The following CNOT9 variants were observed in gnomAD, a reference collection of about 807,000 sequenced individuals.
CNOT9 encodes the protein CCR4-NOT transcription complex subunit 9.
CNOT9 carries 8 observed loss-of-function variants against 37.4 expected under a neutral mutation model. The ratio of observed to expected loss-of-function variants is 0.21; its 90% CI spans 0.13 to 0.39. CNOT9 has a LOEUF of 0.39. CNOT9 is among the 10% of genes least tolerant of loss of function. The probability of loss-of-function intolerance (pLI) is 1.00; values close to 1 mark genes in which losing one functional copy is unlikely to be tolerated. For synonymous variants in CNOT9, 120 were observed against 137.6 expected (o/e 0.87, Z 0.90); for missense variants, 154 against 365.3 (o/e 0.42, Z 4.71).
At chr2:218,575,837 G>C (rs1044270836) in intron 1 of CNOT9, among the ~76,000 whole-genome samples, 1 of 152,154 alleles carries the variant, frequency 6.6e-6, no homozygotes, top group Admixed American at 6.5e-5. Context: ...TTGCTTGCCT[G>C]TCAGTGAGCA....
rs1375578758 is a variant in CNOT9, at chr2:218,568,886, A to G, written c.-69A>G. ...ACGGCGGCTCATTGTTTTCCGCTGC[A>G]GGGGTGCTGAAGGGGGGACGCGGGT... On this transcript the variant is annotated 5_prime_UTR_variant, in exon 1 of 8. Coordinates refer to ENST00000273064, the MANE Select transcript of CNOT9 (RefSeq NM_005444.3). The G allele has an allele frequency of 8.4e-6, 13 of 1,556,884 alleles. No individual in the cohort carries two copies. Among genetic ancestry groups the G allele is most frequent in the African/African-American group, 1.4e-5 (1 of 73,626 alleles).
At chr2:218,570,610 A>C (rs1693956420) in intron 1 of CNOT9, among the ~76,000 whole-genome samples, 1 of 152,230 alleles carries the variant, frequency 6.6e-6, no homozygotes, top group Non-Finnish European at 1.5e-5. Flanking sequence ...GGGGAAAGAC[A>C]GGTTAAATAA....
Position 218,568,867 on chromosome 2 carries a change from GC to G in CNOT9, c.-87del. The G allele has an allele frequency of 6.8e-7, 1 of 1,466,770 alleles. No homozygotes were observed. Among genetic ancestry groups the G allele is most frequent in the Non-Finnish European group, 9.3e-7 (1 of 1,073,398 alleles). 90.9% of individuals were successfully genotyped at this position (1,466,770 alleles called of 1,614,324 possible). A position where few individuals can be genotyped will look rare whatever the true frequency, so the allele number is the denominator to read the frequency against. On this transcript the variant is annotated 5_prime_UTR_variant, in exon 1 of 8. The change abolishes the stop of an existing upstream ORF in the 5' untranslated region. Transcript: ENST00000273064. ...CCGGAGTCGGATGGCGGCTACGGCG[GC>G]TCATTGTTTTCCGCTGCAGGGGTGC...
At chr2:218,590,237 T>G (rs552090020) in intron 5 of CNOT9, among the ~76,000 whole-genome samples, 1 of 152,172 alleles carries the variant, frequency 6.6e-6, no homozygotes, top group African/African-American at 2.4e-5. Flanking sequence ...CCAGCTAATT[T>G]TTTGTATTTT....
chr2:218,580,810 A>C lies in CNOT9; in HGVS notation c.204+70A>C. 2.2e-6 allele frequency: 3 copies of C among 1,389,712 alleles called. No homozygotes were observed. The South Asian group carries it at 3.8e-5, about 18-fold the overall frequency. 86.1% of individuals were successfully genotyped at this position (1,389,712 alleles called of 1,614,324 possible). On this transcript the variant is annotated intron_variant, in intron 2 of 7. Coordinates refer to ENST00000273064, the MANE Select transcript of CNOT9 (RefSeq NM_005444.3). ...CTTGTATATTTCTTTACCTTTGCCC[A>C]AATGATTTGAAGACTTTAGGAGGAT... is the stretch of plus-strand genomic sequence containing the variant.
chr2:218,575,038 T>G (rs1033160114), intron 1 of CNOT9, among the ~76,000 whole-genome samples: 1 of 152,196 alleles, frequency 6.6e-6, no homozygotes, highest in Non-Finnish European at 1.5e-5. Context: ...TGCCTGAGAC[T>G]GACAATTATT....
At chr2:218,584,548 T>G (rs891501460) in intron 3 of CNOT9, 64 bp from the exon 4 acceptor site, 2 of 1,200,630 alleles carry the variant, frequency 1.7e-6, no homozygotes, top group African/African-American at 3.0e-5. Context: ...ACCTAGAAAT[T>G]TGAAAGTTCA....
At chr2:218,591,572 G>A (rs191258921) in intron 5 of CNOT9, among the ~76,000 whole-genome samples, 20 of 152,088 alleles carry the variant, frequency 1.3e-4, no homozygotes, top group African/African-American at 4.8e-4. Context: ...GTGAAACCCC[G>A]TCTCTACTAA....
chr2:218,570,327 A>G (rs1342528696), intron 1 of CNOT9, among the ~76,000 whole-genome samples: 2 of 152,216 alleles, frequency 1.3e-5, no homozygotes, highest in East Asian at 3.8e-4. Flanking sequence ...AAATTGCCAT[A>G]CGTTTAAGTA....
At chr2:218,585,526 A>G (rs1301627015) in intron 4 of CNOT9, among the ~76,000 whole-genome samples, 1 of 151,216 alleles carries the variant, frequency 6.6e-6, no homozygotes, top group Non-Finnish European at 1.5e-5. Context: ...GATTGCAGTG[A>G]GCCAAGATCA....
intron 7 of CNOT9, chr2:218,593,075 A>G (rs1694833620): frequency 4.0e-6 from 1 of 249,396 alleles, no homozygotes; most frequent in Non-Finnish European, 7.7e-6. Context: ...AGGGCTCTTG[A>G]ATTCTATTTC....
chr2:218,593,920 T>A, intron 7 of CNOT9, 188 bp from the exon 8 acceptor site: 1 of 1,000,838 alleles, frequency 1.0e-6, no homozygotes, highest in Non-Finnish European at 1.4e-6. Flanking sequence ...AAAATATTTG[T>A]GGATACAGAT....
At position 218,594,865 on chromosome 2, in the gene CNOT9, T is replaced by C. The variant is rs1003947872; in HGVS notation, c.*589T>C. ...AAGTCTGTTAGCTGCATAAGCTCAATAAAAAGTTGGTCTGGGCATTACATC... is the reference window on the plus strand; with the variant it reads ...AAGTCTGTTAGCTGCATAAGCTCAACAAAAAGTTGGTCTGGGCATTACATC... On this transcript the variant is annotated 3_prime_UTR_variant, in exon 8 of 8. Transcript: ENST00000273064. 1 of 152,326 alleles carries C rather than the reference T, an allele frequency of 6.6e-6. No individual in the cohort carries two copies. The highest frequency in any genetic ancestry group is 1.5e-5 in the Non-Finnish European group (1 of 68,148). The allele number at this position is 152,326 out of a possible 1,614,324, so 9.4% of individuals were successfully genotyped here.
chr2:218,587,976 C>T (rs1316481805), intron 5 of CNOT9, among the ~76,000 whole-genome samples: 1 of 152,022 alleles, frequency 6.6e-6, no homozygotes, highest in Non-Finnish European at 1.5e-5. Flanking sequence ...TTCAATCCTG[C>T]TCCTTCTATA....
At chr2:218,582,576 G>A (rs1336921668) in intron 2 of CNOT9, among the ~76,000 whole-genome samples, 1 of 152,182 alleles carries the variant, frequency 6.6e-6, no homozygotes, top group Admixed American at 6.5e-5. Flanking sequence ...TGTAGTCCCA[G>A]CTACTCTGGA....
Position 218,594,420 on chromosome 2 carries a change from T to A in CNOT9, c.*144T>A. 1.1e-6 allele frequency: 1 copy of A among 923,914 alleles called. No homozygotes were observed. Among genetic ancestry groups the A allele is most frequent in the Non-Finnish European group, 1.6e-6 (1 of 627,632 alleles). 57.2% of individuals were successfully genotyped at this position (923,914 alleles called of 1,614,324 possible). On this transcript the variant is annotated 3_prime_UTR_variant, in exon 8 of 8. Transcript: ENST00000273064. ...CTGGAGAAAAGGGGCAAGGTACCCC[T>A]GCTGAGGTGTATGGGCTGCCATCTC... is the stretch of plus-strand genomic sequence containing the variant.
rs1319610532 is a variant in CNOT9 at position 218,595,344 on chromosome 2, A to G, written c.*1068A>G. ...TTCATGATTGTACTTGAGCAGTATTAGCTGTATGAGTTAATTTTATTCAGA... is the reference window on the plus strand; with the variant it reads ...TTCATGATTGTACTTGAGCAGTATTGGCTGTATGAGTTAATTTTATTCAGA... On this transcript the variant is annotated 3_prime_UTR_variant, in exon 8 of 8. Coordinates refer to ENST00000273064, the MANE Select transcript of CNOT9 (RefSeq NM_005444.3). The G allele has an allele frequency of 2.2e-5, 3 of 137,934 alleles. No homozygotes were observed. Among genetic ancestry groups the G allele is most frequent in the African/African-American group, 7.9e-5 (3 of 38,022 alleles). The allele number at this position is 137,934 out of a possible 1,614,324, so 8.5% of individuals were successfully genotyped here.
intron 1 of CNOT9, chr2:218,573,735 C>T (rs192379967): frequency 6.4e-6 from 1 of 155,456 alleles, no homozygotes; most frequent in Non-Finnish European, 1.4e-5. Flanking sequence ...AGAAGACCAA[C>T]TTAAACTGTC....
At chr2:218,583,472 T>G (rs1028459155) in intron 3 of CNOT9, among the ~76,000 whole-genome samples, 1 of 152,138 alleles carries the variant, frequency 6.6e-6, no homozygotes, top group African/African-American at 2.4e-5. Context: ...TCCAGCACTT[T>G]TCCCACACTG....
Sources: gnomAD v4.1 joint callset for allele counts (sites outside exome capture counted in the v4.1 genomes callset) on GRCh38, gnomAD v4.1.1 for gene constraint, MANE v1.5 for transcripts, NCBI Gene and HGNC (gene_info 2026-07-23, HGNC 2026-07-21) for gene names.